LAMB1: variants seen among roughly 807,000 people sequenced by gnomAD.
LAMB1 encodes laminin subunit beta 1, also known as laminin subunit beta-1.
A neutral mutation model predicts 222.3 loss-of-function variants in LAMB1; 121 were observed. The ratio of observed to expected loss-of-function variants is 0.54; its 90% CI spans 0.47 to 0.63. The LOEUF (loss-of-function observed/expected upper bound fraction) is 0.63, where lower values mean the gene tolerates loss of function less well. LAMB1 is among the 30% of genes least tolerant of loss of function. The pLI is 0.00. For missense variants in LAMB1, 2,172 were observed against 2,240.8 expected (o/e 0.97, Z 0.62); for synonymous variants, 794 against 807.2 (o/e 0.98, Z 0.28).
Position 107,955,541 on chromosome 7 carries a change from C to T in LAMB1, c.2780G>A (p.Arg927His), listed in dbSNP as rs371508162. ...CPCPDGPDSG[R>H]QFARSCYQDP... Reference sequence around the variant, plus strand: ...TTGGTAGCAGCTCCTGGCAAACTGGCGTCCACTGTCGGGACCATCTGGGCA... The same window carrying T: ...TTGGTAGCAGCTCCTGGCAAACTGGTGTCCACTGTCGGGACCATCTGGGCA... The change falls in exon 21 of 34, where the codon CGC becomes CAC. Residue 927 changes from arginine to histidine, a missense_variant. By Grantham distance (29) the Arg-to-His change is conservative (BLOSUM62 0). Coordinates refer to ENST00000222399, the MANE Select transcript of LAMB1 (RefSeq NM_002291.3). The T allele has an allele frequency of 1.9e-5, 30 of 1,613,966 alleles. No individual in the cohort carries two copies. Among genetic ancestry groups the T allele is most frequent in the East Asian group, 4.5e-5 (2 of 44,896 alleles).
chr7:107,978,855 T>C (rs1407471450), intron 8 of LAMB1, among the ~76,000 whole-genome samples: 1 of 152,230 alleles, frequency 6.6e-6, no homozygotes. Context: ...TTACGACCCT[T>C]GAGGCATATA....
chr7:107,993,370 G>A (rs1315156004), intron 5 of LAMB1, among the ~76,000 whole-genome samples: 2 of 152,056 alleles, frequency 1.3e-5, no homozygotes, highest in African/African-American at 4.8e-5. Context: ...CTGACCTCAA[G>A]TGATCTGCCC....
At chr7:107,940,739 A>T (rs997044800) in intron 24 of LAMB1, among the ~76,000 whole-genome samples, 11 of 152,260 alleles carry the variant, frequency 7.2e-5, no homozygotes, top group African/African-American at 2.4e-4. Context: ...CAGAATTCTG[A>T]TTCAGTTCTT....
At position 107,960,604 on chromosome 7, in the gene LAMB1, C is replaced by T. The variant is rs747903696; in HGVS notation, c.2155G>A (p.Gly719Arg). 2.5e-6 allele frequency: 4 copies of T among 1,614,232 alleles called. No homozygotes were observed. The highest frequency in any genetic ancestry group is 2.5e-6 in the Non-Finnish European group (3 of 1,180,042). The change falls in exon 18 of 34, where the codon GGA becomes AGA. Residue 719 changes from glycine (G) to arginine (R), a missense_variant. By Grantham distance (125) the Gly-to-Arg change is moderately radical. Transcript: ENST00000222399. ...GTGACCACCCCATCTCCTGAACCTC[C>T]CACGGTGAAGATGTCCAGTGATTTA... is the stretch of plus-strand genomic sequence containing the variant. ...YCKSLDIFTV[G>R]GSGDGVVTNS...
intron 13 of LAMB1, 133 bp from the exon 14 acceptor site, chr7:107,964,820 T>A: frequency 3.9e-6 from 4 of 1,037,354 alleles, no homozygotes; most frequent in Admixed American, 2.7e-5. Context: ...CTTCAGAAAA[T>A]ACATATGTGG....
chr7:107,937,035 A>G, intron 26 of LAMB1, 58 bp downstream of exon 26: 1 of 1,416,600 alleles, frequency 7.1e-7, no homozygotes, highest in Non-Finnish European at 9.8e-7. Context: ...CTATATTAAA[A>G]CGTTAGACAT....
In LAMB1 at chr7:107,937,280, G is replaced by A; in HGVS notation, c.3762-3C>T. The A allele has an allele frequency of 1.2e-6, 2 of 1,610,368 alleles. No homozygotes were observed. Among genetic ancestry groups the A allele is most frequent in the Non-Finnish European group, 1.7e-6 (2 of 1,177,994 alleles). On this transcript the variant is annotated splice_region_variant and splice_polypyrimidine_tract_variant and intron_variant, in intron 25 of 33. Coordinates refer to ENST00000222399, the MANE Select transcript of LAMB1 (RefSeq NM_002291.3). Reference sequence around the variant, plus strand: ...CTGTAACATCTTTAATCAGTTTCCTGTAAAGAGAAAGTTAAGCTTACTTAC... The same window carrying A: ...CTGTAACATCTTTAATCAGTTTCCTATAAAGAGAAAGTTAAGCTTACTTAC...
chr7:107,991,943 T>C (rs1430058727), intron 5 of LAMB1, among the ~76,000 whole-genome samples: 1 of 149,196 alleles, frequency 6.7e-6, no homozygotes, highest in Non-Finnish European at 1.5e-5. Context: ...CTAAGATTCA[T>C]CAGTTGTAAT....
chr7:107,992,951 A>C (rs1309686282), intron 5 of LAMB1, among the ~76,000 whole-genome samples: 1 of 152,088 alleles, frequency 6.6e-6, no homozygotes, highest in East Asian at 1.9e-4. Flanking sequence ...CCTATGTCCT[A>C]TGATGTAGGT....
At chr7:107,931,663 C>CTCT (rs1562974395) in intron 28 of LAMB1, 163 bp from the exon 29 acceptor site, 1 of 662,248 alleles carries the variant, frequency 1.5e-6, no homozygotes, top group East Asian at 2.7e-5. Flanking sequence ...ATCTTACAGA[C>CTCT]TGCAAGTATT....
chr7:107,997,888 C>T (rs2034310264), intron 4 of LAMB1, among the ~76,000 whole-genome samples: 1 of 152,106 alleles, frequency 6.6e-6, no homozygotes, highest in African/African-American at 2.4e-5. Context: ...GAAAAAATTA[C>T]ATCTTGCTGC....
intron 25 of LAMB1, among the ~76,000 whole-genome samples, chr7:107,939,196 T>G (rs1198574977): frequency 6.6e-6 from 1 of 152,094 alleles, no homozygotes; most frequent in Non-Finnish European, 1.5e-5. Context: ...TTGTGCTGTT[T>G]TGGGGGTTCC....
At position 107,953,523 on chromosome 7, in the gene LAMB1, A is replaced by T. The variant is rs780538271; in HGVS notation, c.3079+7T>A. ...TAAGAAGTGGGCAGAATAAATGTGC[A>T]TCTTACTTCGACAGTCCTGCTGGAG... On this transcript the variant is annotated splice_region_variant and intron_variant, in intron 22 of 33. Transcript: ENST00000222399. 12 of 1,596,552 alleles carry T rather than the reference A, an allele frequency of 7.5e-6. No individual in the cohort carries two copies. The highest frequency in any genetic ancestry group is 1.0e-5 in the Non-Finnish European group (12 of 1,164,084).
At chr7:107,998,739 T>G (rs1241967044) in intron 3 of LAMB1, among the ~76,000 whole-genome samples, 1 of 152,216 alleles carries the variant, frequency 6.6e-6, no homozygotes, top group Non-Finnish European at 1.5e-5. Flanking sequence ...GAGGGCATTG[T>G]TTCCACAAGC....
chr7:107,983,547 C>CTTTT (rs11458116), intron 7 of LAMB1, among the ~76,000 whole-genome samples: 113 of 111,128 alleles, frequency 1.0e-3, no homozygotes, highest in African/African-American at 2.7e-3. Flanking sequence ...CTCCAAAGCC[C>CTTTT]TTTTTTTTTT....
intron 24 of LAMB1, chr7:107,942,001 CTT>C (rs201034516): frequency 0.6 from 85,318 of 142,280 alleles, 25,544 homozygotes; most frequent in East Asian, 0.84. Context: ...CTCTGAAAAA[CTT>C]TTTTTTTTTT....
chr7:107,974,166 G>C (rs907485795), intron 12 of LAMB1, among the ~76,000 whole-genome samples: 1 of 151,766 alleles, frequency 6.6e-6, no homozygotes, highest in Non-Finnish European at 1.5e-5. Flanking sequence ...ATAATTTGGG[G>C]GTAGTGAATC....
Position 107,959,754 on chromosome 7 carries a change from C to A in LAMB1, c.2395G>T (p.Val799Phe), listed in dbSNP as rs1244195977. Residue 799 changes from valine (V) to phenylalanine (F), a missense_variant, in exon 19 of 34, where the codon GTT (valine) becomes TTT (phenylalanine). Coordinates refer to ENST00000222399, the MANE Select transcript of LAMB1 (RefSeq NM_002291.3). ...GGQCQCRPNVVGRTCNRCAPG... is the reference protein window; with the variant it reads ...GGQCQCRPNVFGRTCNRCAPG... ...GCACATCTGTTGCAGGTTCTTCCAACCACGTTGGGCCGGCACTGGCACTGG... is the reference window on the plus strand; with the variant it reads ...GCACATCTGTTGCAGGTTCTTCCAAACACGTTGGGCCGGCACTGGCACTGG... The A allele has an allele frequency of 6.2e-7, 1 of 1,614,184 alleles. No individual in the cohort carries two copies. Among genetic ancestry groups the A allele is most frequent in the Non-Finnish European group, 8.5e-7 (1 of 1,180,032 alleles).
Position 108,003,105 on chromosome 7 carries a change from C to T in LAMB1, c.-87+6G>A. Reference sequence around the variant, plus strand: ...GAAAATCGTGCAGCCACTTTGTTCTCCTCACCCGGCGACGCGAGCTCTCGC... The same window carrying T: ...GAAAATCGTGCAGCCACTTTGTTCTTCTCACCCGGCGACGCGAGCTCTCGC... On this transcript the variant is annotated splice_donor_region_variant and intron_variant, in intron 1 of 33. Coordinates refer to ENST00000222399, the MANE Select transcript of LAMB1 (RefSeq NM_002291.3). The T allele has an allele frequency of 1.0e-6, 1 of 998,464 alleles. No homozygotes were observed. The highest frequency in any genetic ancestry group is 1.4e-6 in the Non-Finnish European group (1 of 715,460). 61.9% of individuals were successfully genotyped at this position (998,464 alleles called of 1,614,324 possible).
Sources: gnomAD v4.1 joint callset for allele counts (sites outside exome capture counted in the v4.1 genomes callset) on GRCh38, gnomAD v4.1.1 for gene constraint, MANE v1.5 for transcripts, NCBI Gene and HGNC (gene_info 2026-07-23, HGNC 2026-07-21) for gene names.